ULK4: variants seen among roughly 807,000 people sequenced by gnomAD.
ULK4 encodes unc-51 like kinase 4.
A neutral mutation model predicts 160.6 loss-of-function variants in ULK4; 133 were observed. That is an observed-to-expected ratio of 0.83 (90% CI 0.72 to 0.96). The LOEUF (loss-of-function observed/expected upper bound fraction) is 0.96, where lower values mean the gene tolerates loss of function less well. Among genes scored for constraint, ULK4 ranks in the 40% least tolerant of loss-of-function variants. The pLI is 0.00. For missense variants in ULK4, 1,580 were observed against 1,499.5 expected, an observed-to-expected ratio of 1.05 and a Z score of -0.89; for synonymous variants, 534 against 539.8, an observed-to-expected ratio of 0.99 and a Z score of 0.15.
intron 35 of ULK4, among the ~76,000 whole-genome samples, chr3:41,354,863 C>A (rs1170219323): frequency 6.6e-6 from 1 of 152,220 alleles, no homozygotes; most frequent in Non-Finnish European, 1.5e-5. Context: ...CACTTGACCT[C>A]TGTTTTATTT....
intron 32 of ULK4, among the ~76,000 whole-genome samples, chr3:41,464,413 A>G (rs956091836): frequency 6.6e-6 from 1 of 152,124 alleles, no homozygotes; most frequent in Non-Finnish European, 1.5e-5. Context: ...CAAAAACAAA[A>G]CTGAGTTTCA....
intron 1 of ULK4, 107 bp from the exon 2 acceptor site, chr3:41,954,914 C>T: frequency 1.4e-6 from 1 of 704,528 alleles, no homozygotes; most frequent in Non-Finnish European, 2.2e-6. Context: ...TCTAGCAAAT[C>T]GACAAATTCA....
At chr3:41,830,347 T>C (rs904616434) in intron 18 of ULK4, among the ~76,000 whole-genome samples, 1 of 151,988 alleles carries the variant, frequency 6.6e-6, no homozygotes, top group Non-Finnish European at 1.5e-5. Flanking sequence ...TACTTTTAGA[T>C]CTAGTAGGAA....
In ULK4 at chr3:41,873,780, T is replaced by G. The variant is rs181311875; in HGVS notation, c.1656+10094A>C. Among the ~76,000 whole-genome samples the G allele has an allele frequency of 2.2e-4, 34 of 152,218 alleles. No homozygotes were observed. The East Asian group carries it at 6.2e-3, about 28-fold the overall frequency. ...ATTGGTTAGGATGGTCTCAAACTCCTGACCTCAGGTGATCCACCTGCCTCA... is the reference window on the plus strand; with the variant it reads ...ATTGGTTAGGATGGTCTCAAACTCCGGACCTCAGGTGATCCACCTGCCTCA... On this transcript the variant is annotated intron_variant, in intron 17 of 36. Coordinates refer to ENST00000301831, the MANE Select transcript of ULK4 (RefSeq NM_017886.4).
chr3:41,938,126 G>A lies in ULK4; in HGVS notation c.210C>T (p.His70=), dbSNP rs747260126. Residue 70 remains histidine (H), a synonymous_variant, in exon 3 of 37, where the codon CAC becomes CAT. Coordinates refer to ENST00000301831, the MANE Select transcript of ULK4 (RefSeq NM_017886.4). ...TGCAGAGTTCCACCACTAGCCAGAGGTGGTTGCTTGTTTCATACCATTCAT... is the reference window on the plus strand; with the variant it reads ...TGCAGAGTTCCACCACTAGCCAGAGATGGTTGCTTGTTTCATACCATTCAT... ...TFHEWYETSN[H]LWLVVELCTG... 6.8e-6 allele frequency: 11 copies of A among 1,612,970 alleles called. No homozygotes were observed. The South Asian group carries it at 1.1e-4, about 16-fold the overall frequency.
intron 19 of ULK4, among the ~76,000 whole-genome samples, chr3:41,804,665 T>C (rs1448530283): frequency 6.6e-6 from 1 of 152,088 alleles, no homozygotes; most frequent in African/African-American, 2.4e-5. Context: ...TTGTGTAAGG[T>C]GTAAGGAAGG....
chr3:41,810,016 T>C (rs893206844), intron 19 of ULK4, among the ~76,000 whole-genome samples: 2 of 152,244 alleles, frequency 1.3e-5, no homozygotes, highest in South Asian at 2.1e-4. Flanking sequence ...GAATTCTTGA[T>C]CACATTCAGC....
At chr3:41,701,201 A>G (rs2036661753) in intron 27 of ULK4, among the ~76,000 whole-genome samples, 2 of 152,286 alleles carry the variant, frequency 1.3e-5, no homozygotes, top group South Asian at 2.1e-4. Flanking sequence ...ATGAAAAAGA[A>G]CAATCCACAG....
chr3:41,816,056 G>A (rs1165625822), intron 19 of ULK4, among the ~76,000 whole-genome samples: 1 of 151,918 alleles, frequency 6.6e-6, no homozygotes, highest in Non-Finnish European at 1.5e-5. Flanking sequence ...TTCAAGACCA[G>A]CCTGGGCAAC....
chr3:41,310,746 A>C (rs2080032258), intron 35 of ULK4, among the ~76,000 whole-genome samples: 1 of 152,044 alleles, frequency 6.6e-6, no homozygotes, highest in Non-Finnish European at 1.5e-5. Flanking sequence ...TAATCCCAGC[A>C]CTCTGGGAGG....
intron 22 of ULK4, among the ~76,000 whole-genome samples, chr3:41,749,163 T>C (rs1230208737): frequency 6.6e-6 from 1 of 152,234 alleles, no homozygotes; most frequent in Non-Finnish European, 1.5e-5. Context: ...ATAAATTACA[T>C]GAGATATTCC....
intron 32 of ULK4, among the ~76,000 whole-genome samples, chr3:41,539,147 T>C (rs2086613369): frequency 1.3e-5 from 2 of 150,964 alleles, no homozygotes; most frequent in Non-Finnish European, 3.0e-5. Context: ...CAAATCCACA[T>C]ATAAGTGGAA....
intron 32 of ULK4, among the ~76,000 whole-genome samples, chr3:41,548,707 C>T (rs1053692325): frequency 5.6e-5 from 8 of 142,500 alleles, no homozygotes; most frequent in Admixed American, 1.5e-4. Context: ...CTGAGCAAGC[C>T]ATCTTTAGGG....
At chr3:41,879,665 A>T (rs992418096) in intron 17 of ULK4, among the ~76,000 whole-genome samples, 4 of 152,076 alleles carry the variant, frequency 2.6e-5, no homozygotes, top group Admixed American at 6.5e-5. Flanking sequence ...TTTTCTAGAG[A>T]CAGGGTCTCC....
At chr3:41,304,273 C>CAA (rs368282598) in intron 35 of ULK4, among the ~76,000 whole-genome samples, 6 of 89,738 alleles carry the variant, frequency 6.7e-5, no homozygotes, top group Non-Finnish European at 1.0e-4. Flanking sequence ...AGCTCCCCCT[C>CAA]AAAAAAAAAA....
chr3:41,787,805 T>C (rs1324994715), intron 21 of ULK4, among the ~76,000 whole-genome samples: 1 of 152,206 alleles, frequency 6.6e-6, no homozygotes, highest in Admixed American at 6.5e-5. Flanking sequence ...CGCCATACAA[T>C]TGCTCATTTC....
At chr3:41,861,972 C>T (rs1235811960) in intron 17 of ULK4, among the ~76,000 whole-genome samples, 1 of 151,994 alleles carries the variant, frequency 6.6e-6, no homozygotes, top group Non-Finnish European at 1.5e-5. Context: ...CTATCACACC[C>T]AGCTAATTTT....
intron 18 of ULK4, among the ~76,000 whole-genome samples, chr3:41,821,711 C>A (rs1401824406): frequency 6.6e-6 from 1 of 151,974 alleles, no homozygotes; most frequent in Non-Finnish European, 1.5e-5. Flanking sequence ...ACAAGACCCT[C>A]CTCATCCCTT....
chr3:41,718,506 T>A (rs1437243347), intron 22 of ULK4, among the ~76,000 whole-genome samples: 1 of 152,160 alleles, frequency 6.6e-6, no homozygotes, highest in Non-Finnish European at 1.5e-5. Context: ...CTTAGACATT[T>A]AAGGTGTTAC....
Sources: allele counts gnomAD v4.1 joint callset (sites outside exome capture counted in the v4.1 genomes callset), GRCh38; gene constraint gnomAD v4.1.1; transcripts MANE v1.5; gene names NCBI Gene and HGNC (gene_info 2026-07-23, HGNC 2026-07-21).